The following P2RX3 variants were observed in gnomAD, a reference collection of about 807,000 sequenced individuals.
The protein encoded by P2RX3 is P2X purinoceptor 3.
P2RX3 carries 41 observed loss-of-function variants against 51.5 expected under a neutral mutation model. That is an observed-to-expected ratio of 0.80 (90% CI 0.62 to 1.03). The LOEUF is 1.03. Among genes scored for constraint, P2RX3 ranks in the 50% least tolerant of loss-of-function variants. The pLI, the probability that P2RX3 is intolerant of heterozygous loss-of-function variation, is 0.00. For missense variants in P2RX3, 459 were observed against 522.1 expected (o/e 0.88, Z 1.18); for synonymous variants, 185 against 191.6 (o/e 0.97, Z 0.29).
intron 8 of P2RX3, among the ~76,000 whole-genome samples, chr11:57,358,072 G>A (rs895790080): frequency 6.6e-5 from 10 of 152,124 alleles, no homozygotes; most frequent in Non-Finnish European, 1.2e-4. Context: ...CTAAACAGAT[G>A]TCTGAGAGCT....
At chr11:57,362,999 G>A (rs4939140) in intron 8 of P2RX3, among the ~76,000 whole-genome samples, 2 of 151,914 alleles carry the variant, frequency 1.3e-5, no homozygotes, top group African/African-American at 2.4e-5. Context: ...TTTTAAGCAC[G>A]GACTATATAT....
At chr11:57,341,327 C>G (rs903312933) in intron 1 of P2RX3, among the ~76,000 whole-genome samples, 1 of 152,168 alleles carries the variant, frequency 6.6e-6, no homozygotes. Context: ...TCAATCTCTT[C>G]CCCATCATCC....
chr11:57,338,416 C>G lies in P2RX3; in HGVS notation c.-135C>G. Reference sequence around the variant, plus strand: ...ACTAGGATTGCATGGCTTAAAGGGACAGGCTCCCCATTCCTCCAACCCCTC... The same window carrying G: ...ACTAGGATTGCATGGCTTAAAGGGAGAGGCTCCCCATTCCTCCAACCCCTC... On this transcript the variant is annotated 5_prime_UTR_variant, in exon 1 of 12. Transcript: ENST00000263314. 1 of 559,018 alleles carries G rather than the reference C, an allele frequency of 1.8e-6. No individual in the cohort carries two copies. The highest frequency in any genetic ancestry group is 3.3e-6 in the Non-Finnish European group (1 of 304,338). The allele number at this position is 559,018 out of a possible 1,614,324, so 34.6% of individuals were successfully genotyped here. A position where few individuals can be genotyped will look rare whatever the true frequency, so the allele number is the denominator to read the frequency against.
intron 8 of P2RX3, 97 bp downstream of exon 8, chr11:57,350,995 C>T (rs1485360046): frequency 1.9e-6 from 3 of 1,547,060 alleles, no homozygotes; most frequent in South Asian, 1.2e-5. Flanking sequence ...ATCCACCCAC[C>T]CCTGGCCCCA....
chr11:57,363,832 T>G (rs2134444490), intron 8 of P2RX3, among the ~76,000 whole-genome samples: 1 of 152,144 alleles, frequency 6.6e-6, no homozygotes, highest in African/African-American at 2.4e-5. Context: ...GCTCTGTTCC[T>G]CCTCCCTCCA....
upstream of P2RX3, among the ~76,000 whole-genome samples, chr11:57,337,307 G>A (rs960313307): frequency 0.062 from 887 of 14,278 alleles, no homozygotes; most frequent in Middle Eastern, 0.11. Flanking sequence ...AAAAAAAAAA[G>A]AAAGAAAGAA....
At chr11:57,337,749 T>A (rs1031492848), upstream of P2RX3, among the ~76,000 whole-genome samples, 2 of 152,164 alleles carry the variant, frequency 1.3e-5, no homozygotes, top group Non-Finnish European at 2.9e-5. Flanking sequence ...AGTTAACGGG[T>A]GCAACACACC....
chr11:57,340,638 C>T (rs935910587), intron 1 of P2RX3: 1 of 152,048 alleles, frequency 6.6e-6, no homozygotes, highest in African/African-American at 2.4e-5. Context: ...GGTCCTCGCC[C>T]TCCTGGGGCT....
rs1856861175 is a variant in P2RX3 at position 57,370,063 on chromosome 11, C to CG, written c.*66_*67insG. 1.0e-6 allele frequency: 1 copy of CG among 973,656 alleles called. No homozygotes were observed. Among genetic ancestry groups the CG allele is most frequent in the Admixed American group, 2.7e-5 (1 of 37,662 alleles). 60.3% of individuals were successfully genotyped at this position (973,656 alleles called of 1,614,324 possible). ...CTCCCCACAGAGGACCCTGCCTGAG[C>CG]AAGGGGCATGGGAGGGAAGAGGGGC... On this transcript the variant is annotated 3_prime_UTR_variant, in exon 12 of 12. Coordinates refer to ENST00000263314, the MANE Select transcript of P2RX3 (RefSeq NM_002559.5).
chr11:57,339,757 C>T (rs543596031), intron 1 of P2RX3, among the ~76,000 whole-genome samples: 1 of 152,346 alleles, frequency 6.6e-6, no homozygotes, highest in African/African-American at 2.4e-5. Flanking sequence ...TTAGTTCAAG[C>T]AGGTCAAAGG....
intron 5 of P2RX3, 175 bp downstream of exon 5, chr11:57,348,438 C>A: frequency 1.4e-6 from 1 of 707,494 alleles, no homozygotes; most frequent in Non-Finnish European, 2.3e-6. Flanking sequence ...AGCCCACCCA[C>A]CTGCCTCCTC....
At chr11:57,354,221 G>T (rs1055551442) in intron 8 of P2RX3, among the ~76,000 whole-genome samples, 1 of 152,116 alleles carries the variant, frequency 6.6e-6, no homozygotes, top group African/African-American at 2.4e-5. Flanking sequence ...TGCTGTCCAT[G>T]CAAGTTAATC....
At position 57,356,020 on chromosome 11, in the gene P2RX3, T is replaced by C. The variant is rs146249287; in HGVS notation, c.842+5122T>C. Among the ~76,000 whole-genome samples, 458 of 152,212 alleles carry C rather than the reference T, an allele frequency of 3.0e-3. 1 individual carries two copies. The highest frequency in any genetic ancestry group is 9.2e-3 in the African/African-American group (383 of 41,528). ...TTCTCTACAAAAATAAGATTAAAAATTCTAAAAAATAAATAATAAATGAAA... is the reference window on the plus strand; with the variant it reads ...TTCTCTACAAAAATAAGATTAAAAACTCTAAAAAATAAATAATAAATGAAA... On this transcript the variant is annotated intron_variant, in intron 8 of 11. Coordinates refer to ENST00000263314, the MANE Select transcript of P2RX3 (RefSeq NM_002559.5).
At chr11:57,368,476 A>T in intron 10 of P2RX3, 39 bp downstream of exon 10, 1 of 1,609,150 alleles carries the variant, frequency 6.2e-7, no homozygotes, top group Non-Finnish European at 8.5e-7. Context: ...GGCCAGTCAG[A>T]GTGGGGCCCG....
chr11:57,350,051 A>T (rs1036410284), intron 7 of P2RX3, among the ~76,000 whole-genome samples, 153 bp downstream of exon 7: 5 of 152,156 alleles, frequency 3.3e-5, no homozygotes, highest in African/African-American at 9.7e-5. Context: ...TTTGTGCCTG[A>T]ATCCTTTCTG....
intron 6 of P2RX3, 80 bp downstream of exon 6, chr11:57,348,784 C>G: frequency 1.0e-6 from 1 of 987,168 alleles, no homozygotes; most frequent in Non-Finnish European, 1.6e-6. Context: ...AGTGGAGATG[C>G]CCCCTCGCCA....
intron 8 of P2RX3, among the ~76,000 whole-genome samples, chr11:57,360,811 A>AAAAAAG (rs1554967555): frequency 9.9e-5 from 15 of 150,792 alleles, no homozygotes; most frequent in South Asian, 2.1e-4. Context: ...AAAAAAGAAA[A>AAAAAAG]AAAGAAAGAA....
intron 1 of P2RX3, among the ~76,000 whole-genome samples, chr11:57,339,810 C>T (rs1565059618): frequency 6.6e-6 from 1 of 152,170 alleles, no homozygotes; most frequent in East Asian, 1.9e-4. Flanking sequence ...TGCAAACCTG[C>T]TTGCTTGAAA....
chr11:57,367,512 G>A (rs1306983022), intron 8 of P2RX3, among the ~76,000 whole-genome samples: 2 of 152,168 alleles, frequency 1.3e-5, no homozygotes, highest in Non-Finnish European at 2.9e-5. Flanking sequence ...CTTGAGGTCA[G>A]GAGTTCGAGA....
Sources: gnomAD v4.1 joint callset for allele counts (sites outside exome capture counted in the v4.1 genomes callset) on GRCh38, gnomAD v4.1.1 for gene constraint, MANE v1.5 for transcripts, NCBI Gene and HGNC (gene_info 2026-07-23, HGNC 2026-07-21) for gene names.